KLF12: variants seen among roughly 807,000 people sequenced by gnomAD.
The protein encoded by KLF12 is Krueppel-like factor 12.
In KLF12, 9 loss-of-function variants were observed where a neutral mutation model predicts 37.8. That is an observed-to-expected ratio of 0.24 (90% CI 0.14 to 0.42). The LOEUF is 0.42. KLF12 is among the 10% of genes least tolerant of loss of function. KLF12 has a pLI of 1.00. For synonymous variants in KLF12, 208 were observed against 202.1 expected (o/e 1.03, Z -0.25); for missense variants, 411 against 516.0 (o/e 0.80, Z 1.97).
chr13:74,302,462 C>G, the KLF12 span, among the ~76,000 whole-genome samples: 1 of 151,996 alleles, frequency 6.6e-6, no homozygotes, highest in Non-Finnish European at 1.5e-5. Flanking sequence ...TGTAGGTTCT[C>G]TGGTTGTGAG....
intron 6 of KLF12, among the ~76,000 whole-genome samples, chr13:73,752,875 A>G (rs1878879096): frequency 6.6e-6 from 1 of 151,194 alleles, no homozygotes. Context: ...CGCCACCATC[A>G]TTATGTATTT....
At chr13:73,988,111 C>G (rs573021798) in intron 2 of KLF12, among the ~76,000 whole-genome samples, 141 of 152,302 alleles carry the variant, frequency 9.3e-4, no homozygotes, top group African/African-American at 2.7e-3. Context: ...AGTAGATCCC[C>G]TGGAATCATT....
intron 3 of KLF12, among the ~76,000 whole-genome samples, chr13:73,848,374 G>C (rs1885140137): frequency 6.6e-6 from 1 of 152,040 alleles, no homozygotes; most frequent in South Asian, 2.1e-4. Flanking sequence ...GTTTTACTGA[G>C]CTTTGCAGAC....
intron 4 of KLF12, among the ~76,000 whole-genome samples, chr13:73,841,796 GTACCACCACTGTGGGGGGGC>G (rs1566408912): frequency 6.6e-6 from 1 of 152,140 alleles, no homozygotes; most frequent in Non-Finnish European, 1.5e-5. Context: ...GCACCTCCCA[GTACCACCACTGTGGGGGGGC>G]TAACTGCTAC....
At chr13:74,068,590 T>C (rs1390252948) in intron 1 of KLF12, among the ~76,000 whole-genome samples, 1 of 149,324 alleles carries the variant, frequency 6.7e-6, no homozygotes, top group East Asian at 2.0e-4. Context: ...TGAGCTCTGC[T>C]CTCTTGCCCA....
At chr13:74,269,423 A>G in the KLF12 span, among the ~76,000 whole-genome samples, 1 of 152,200 alleles carries the variant, frequency 6.6e-6, no homozygotes, top group African/African-American at 2.4e-5. Flanking sequence ...TACTGAGTTC[A>G]CAGGCTGAAC....
At chr13:73,982,719 A>G (rs1364417080) in intron 2 of KLF12, among the ~76,000 whole-genome samples, 1 of 152,172 alleles carries the variant, frequency 6.6e-6, no homozygotes, top group Non-Finnish European at 1.5e-5. Flanking sequence ...TTTTACCAAG[A>G]TATCAGCCTA....
At chr13:73,863,419 T>C (rs551703229) in intron 3 of KLF12, among the ~76,000 whole-genome samples, 7 of 152,160 alleles carry the variant, frequency 4.6e-5, no homozygotes, top group African/African-American at 1.4e-4. Context: ...CCTTCTAAAC[T>C]TCAGTTATTT....
intron 1 of KLF12, among the ~76,000 whole-genome samples, chr13:74,020,920 G>A (rs1419294426): frequency 6.6e-6 from 1 of 151,728 alleles, no homozygotes; most frequent in Non-Finnish European, 1.5e-5. Context: ...GAATGGGAAG[G>A]AGACACTACT....
intron 1 of KLF12, among the ~76,000 whole-genome samples, chr13:74,104,205 TA>T (rs1876524910): frequency 6.6e-6 from 1 of 152,344 alleles, no homozygotes; most frequent in Middle Eastern, 3.4e-3. Flanking sequence ...ATGATTTGTA[TA>T]TTTTATTTCT....
intron 2 of KLF12, among the ~76,000 whole-genome samples, chr13:73,946,043 C>T (rs997841429): frequency 6.6e-6 from 1 of 152,280 alleles, no homozygotes; most frequent in Admixed American, 6.5e-5. Flanking sequence ...CTCAGGAAAG[C>T]CTTCCTGCAG....
chr13:74,201,116 A>G, the KLF12 span, among the ~76,000 whole-genome samples: 1 of 152,178 alleles, frequency 6.6e-6, no homozygotes, highest in Non-Finnish European at 1.5e-5. Context: ...TTATTTTTAA[A>G]CATTAAAAGA....
chr13:73,764,578 T>C (rs748027458), intron 6 of KLF12, among the ~76,000 whole-genome samples: 3 of 152,104 alleles, frequency 2.0e-5, no homozygotes, highest in Non-Finnish European at 4.4e-5. Context: ...ATTCATTAAC[T>C]GTGGAAATCT....
At chr13:74,114,008 A>G (rs9543531) in intron 1 of KLF12, among the ~76,000 whole-genome samples, 147,313 of 152,304 alleles carry the variant, frequency 0.97, 71,433 homozygotes, top group Middle Eastern at 1. Context: ...AAGATGTGGT[A>G]GAAACAGCAA....
chr13:74,249,455 C>T, the KLF12 span, among the ~76,000 whole-genome samples: 1 of 151,454 alleles, frequency 6.6e-6, no homozygotes, highest in Non-Finnish European at 1.5e-5. Flanking sequence ...TGGGGATATG[C>T]GAGTCCAGAT....
intron 6 of KLF12, among the ~76,000 whole-genome samples, chr13:73,728,683 G>A (rs143409985): frequency 3.3e-5 from 5 of 152,284 alleles, no homozygotes; most frequent in African/African-American, 1.2e-4. Context: ...AGATAAACGT[G>A]GTTTTCTCTA....
intron 1 of KLF12, among the ~76,000 whole-genome samples, chr13:74,122,146 T>C (rs1365871142): frequency 2.0e-5 from 3 of 152,008 alleles, no homozygotes. Context: ...AGGCAAGAGA[T>C]AAAAGATCAG....
At chr13:74,241,201 C>T in the KLF12 span, among the ~76,000 whole-genome samples, 2 of 152,176 alleles carry the variant, frequency 1.3e-5, no homozygotes, top group African/African-American at 4.8e-5. Flanking sequence ...GAGTACCCAG[C>T]CATGTGAGGT....
chr13:73,871,437 A>G (rs1383153431), intron 3 of KLF12, among the ~76,000 whole-genome samples: 3 of 152,034 alleles, frequency 2.0e-5, no homozygotes, highest in African/African-American at 7.3e-5. Context: ...AATTGTTAAG[A>G]GACTGGAAAA....
Sources: gnomAD v4.1 joint callset for allele counts (sites outside exome capture counted in the v4.1 genomes callset) on GRCh38, gnomAD v4.1.1 for gene constraint, MANE v1.5 for transcripts, NCBI Gene and HGNC (gene_info 2026-07-23, HGNC 2026-07-21) for gene names.